Variants in CSMD1 observed in about 807,000 individuals in gnomAD.
The protein encoded by CSMD1 is CUB and Sushi multiple domains 1.
CSMD1 carries 213 observed loss-of-function variants against 417.5 expected under a neutral mutation model. The ratio of observed to expected loss-of-function variants is 0.51; its 90% confidence interval spans 0.46 to 0.57. The LOEUF (loss-of-function observed/expected upper bound fraction) is 0.57, where lower values mean the gene tolerates loss of function less well. CSMD1 is among the 20% of genes least tolerant of loss of function. CSMD1 has a pLI of 0.00. For missense variants in CSMD1, 6,923 were observed against 4,529.7 expected, an observed-to-expected ratio of 1.53 and a Z score of -15.17; for synonymous variants, 2,862 against 1,736.8, an observed-to-expected ratio of 1.65 and a Z score of -16.11.
At chr8:3,305,576 T>G (rs1408905181) in intron 25 of CSMD1, among the ~76,000 whole-genome samples, 2 of 151,326 alleles carry the variant, frequency 1.3e-5, no homozygotes, top group Non-Finnish European at 3.0e-5. Context: ...ACTTCCTTGC[T>G]ATGTGATGCT....
At chr8:3,321,543 C>G (rs893356837) in intron 23 of CSMD1, among the ~76,000 whole-genome samples, 9 of 152,162 alleles carry the variant, frequency 5.9e-5, no homozygotes, top group Admixed American at 4.6e-4. Context: ...CCCATTACTT[C>G]GTCTAGAAAT....
chr8:3,980,537 C>CGT (rs57248574), intron 5 of CSMD1, among the ~76,000 whole-genome samples: 38,247 of 151,900 alleles, frequency 0.25, 4,915 homozygotes, highest in East Asian at 0.4. Flanking sequence ...TTAGATTTGT[C>CGT]GTCTCTCTTT....
chr8:3,499,031 G>C (rs1796483328), intron 10 of CSMD1, among the ~76,000 whole-genome samples: 3 of 152,140 alleles, frequency 2.0e-5, no homozygotes. Context: ...AAATGATTTT[G>C]TTCCCTTGGG....
chr8:4,412,783 G>T (rs556895206), intron 3 of CSMD1, among the ~76,000 whole-genome samples: 1 of 152,196 alleles, frequency 6.6e-6, no homozygotes, highest in Non-Finnish European at 1.5e-5. Context: ...ATACTGATAT[G>T]ACAGTTTTAT....
intron 5 of CSMD1, among the ~76,000 whole-genome samples, chr8:3,763,871 C>T (rs930526522): frequency 5.1e-4 from 77 of 152,144 alleles, no homozygotes; most frequent in Non-Finnish European, 9.1e-4. Context: ...AAGCCTTAGA[C>T]CTCAGCACCC....
In CSMD1 at chr8:4,478,557, G is replaced by A. The variant is rs563207666; in HGVS notation, c.303-58492C>T. On this transcript the variant is annotated intron_variant, in intron 2 of 69. Coordinates refer to ENST00000635120, the MANE Select transcript of CSMD1 (RefSeq NM_033225.6). Reference sequence around the variant, plus strand: ...TACACTGCCTTCCATTTAATGTACCGATATTGATGATAGTAAACGACATTA... The same window carrying A: ...TACACTGCCTTCCATTTAATGTACCAATATTGATGATAGTAAACGACATTA... Among the ~76,000 whole-genome samples, 15 of 152,168 alleles carry A rather than the reference G, an allele frequency of 9.9e-5. No homozygotes were observed. The East Asian group carries it at 2.3e-3, about 24-fold the overall frequency.
At position 3,459,225 on chromosome 8, in the gene CSMD1, C is replaced by T. The variant is rs377068635; in HGVS notation, c.1561+9487G>A. On this transcript the variant is annotated intron_variant, in intron 12 of 69. Transcript: ENST00000635120. Reference sequence around the variant, plus strand: ...GGTGGCTGCACCGTGGTGGGGCACACGGGAGCCACAGGTGCACGAAGAGGC... The same window carrying T: ...GGTGGCTGCACCGTGGTGGGGCACATGGGAGCCACAGGTGCACGAAGAGGC... 1.3e-3 allele frequency among the ~76,000 whole-genome samples: 200 copies of T among 152,240 alleles called. 3 individuals carry two copies. The South Asian group carries it at 0.04, about 30-fold the overall frequency.
intron 3 of CSMD1, among the ~76,000 whole-genome samples, chr8:4,292,118 G>A (rs976112828): frequency 6.6e-6 from 1 of 152,114 alleles, no homozygotes; most frequent in African/African-American, 2.4e-5. Flanking sequence ...GAAGACCCTG[G>A]CCATACCAAC....
intron 3 of CSMD1, among the ~76,000 whole-genome samples, chr8:4,126,977 C>T (rs1647333): frequency 0.51 from 77,848 of 151,886 alleles, 20,416 homozygotes; most frequent in East Asian, 0.61. Context: ...CAAGCTGATG[C>T]TGGTGCACAT....
chr8:4,785,272 G>A lies in CSMD1; in HGVS notation c.86-147714C>T, dbSNP rs187703742. Reference sequence around the variant, plus strand: ...TGAGGAGGTGAACATTGGCAAAGGTGATTTTCATAATGGGGCACATTGGGC... The same window carrying A: ...TGAGGAGGTGAACATTGGCAAAGGTAATTTTCATAATGGGGCACATTGGGC... On this transcript the variant is annotated intron_variant, in intron 1 of 69. Transcript: ENST00000635120. 1.5e-3 allele frequency among the ~76,000 whole-genome samples: 236 copies of A among 152,278 alleles called. 2 individuals are homozygous for A. Among genetic ancestry groups the A allele is most frequent in the African/African-American group, 5.4e-3 (225 of 41,558 alleles).
intron 2 of CSMD1, among the ~76,000 whole-genome samples, chr8:4,522,120 G>A (rs1803485005): frequency 6.6e-6 from 1 of 152,146 alleles, no homozygotes; most frequent in South Asian, 2.1e-4. Flanking sequence ...GAGCCTGGGG[G>A]GAGGTGATTG....
At chr8:4,340,556 G>A (rs1404318713) in intron 3 of CSMD1, among the ~76,000 whole-genome samples, 1 of 152,084 alleles carries the variant, frequency 6.6e-6, no homozygotes, top group East Asian at 1.9e-4. Flanking sequence ...GATTGTCCAA[G>A]GGCAATTCAG....
intron 5 of CSMD1, among the ~76,000 whole-genome samples, chr8:3,771,129 A>T (rs1053618110): frequency 6.6e-6 from 1 of 152,108 alleles, no homozygotes; most frequent in African/African-American, 2.4e-5. Flanking sequence ...CAAATTGTGA[A>T]CAAAAAATAA....
intron 7 of CSMD1, among the ~76,000 whole-genome samples, chr8:3,700,116 G>A (rs1332009864): frequency 1.3e-5 from 2 of 152,112 alleles, no homozygotes; most frequent in South Asian, 2.1e-4. Context: ...GGAAGAGTGG[G>A]AGTGGGGCGA....
intron 1 of CSMD1, among the ~76,000 whole-genome samples, chr8:4,796,865 G>C (rs551052874): frequency 1.3e-5 from 2 of 152,166 alleles, no homozygotes; most frequent in African/African-American, 2.4e-5. Context: ...CTGGGGTCAG[G>C]CAAGCCGCAC....
At chr8:4,967,238 T>C (rs1239599159) in intron 1 of CSMD1, among the ~76,000 whole-genome samples, 1 of 152,202 alleles carries the variant, frequency 6.6e-6, no homozygotes, top group East Asian at 1.9e-4. Context: ...AAAATCAAAG[T>C]TGGATAATAC....
intron 12 of CSMD1, among the ~76,000 whole-genome samples, chr8:3,419,201 G>A (rs759516792): frequency 1.3e-5 from 2 of 152,132 alleles, no homozygotes; most frequent in Non-Finnish European, 2.9e-5. Flanking sequence ...ACACATTTCT[G>A]AGCACCTAAG....
At chr8:3,699,122 CCATTGACTCAGT>C (rs1414933056) in intron 7 of CSMD1, among the ~76,000 whole-genome samples, 1 of 152,206 alleles carries the variant, frequency 6.6e-6, no homozygotes, top group Non-Finnish European at 1.5e-5. Context: ...CATGTCTCAG[CCATTGACTCAGT>C]AACAAATGAA....
At chr8:4,692,615 T>C (rs922154003) in intron 1 of CSMD1, among the ~76,000 whole-genome samples, 2 of 152,186 alleles carry the variant, frequency 1.3e-5, no homozygotes, top group Non-Finnish European at 2.9e-5. Flanking sequence ...GGCAAAGCCA[T>C]GTGGGGTCCG....
Sources: allele counts gnomAD v4.1 joint callset (sites outside exome capture counted in the v4.1 genomes callset), GRCh38; gene constraint gnomAD v4.1.1; transcripts MANE v1.5; gene names NCBI Gene and HGNC (gene_info 2026-07-23, HGNC 2026-07-21).